ADGRB3: variants seen among roughly 807,000 people sequenced by gnomAD.
The protein encoded by ADGRB3 is adhesion G protein-coupled receptor B3, also known as brain-specific angiogenesis inhibitor 3.
ADGRB3 carries 37 observed loss-of-function variants against 193.4 expected under a neutral mutation model. That is an observed-to-expected ratio of 0.19 (90% CI 0.15 to 0.25). The LOEUF (loss-of-function observed/expected upper bound fraction) is 0.25. ADGRB3 is among the 10% of genes least tolerant of loss of function. The pLI is 1.00. For missense variants in ADGRB3, 1,637 were observed against 1,852.9 expected (o/e 0.88, Z 2.14); for synonymous variants, 690 against 644.2 (o/e 1.07, Z -1.08).
In ADGRB3 at chr6:69,339,499, A is replaced by G. The variant is rs1358352348; in HGVS notation, c.3454A>G (p.Arg1152Gly). The change falls in exon 26 of 32, where the codon AGA becomes GGA. Residue 1152 changes from arginine to glycine, a missense_variant. Arg to Gly is a moderately radical substitution (Grantham distance 125). This residue lies in a region of ADGRB3 where 116 missense variants were observed against 168.1 expected (regional missense o/e 0.69). Transcript: ENST00000370598. ...AGTCATGGTCCACTGCATTCTTCGG[A>G]GAGAGGTGAGAAGCATTCTTGTGAT... Reference protein sequence around the residue: ...VIVMVHCILRREVQDAFRCRL... With the variant: ...VIVMVHCILRGEVQDAFRCRL... 5.6e-6 allele frequency: 9 copies of G among 1,612,736 alleles called. No individual in the cohort carries two copies. The highest frequency in any genetic ancestry group is 7.6e-6 in the Non-Finnish European group (9 of 1,179,076).
chr6:68,748,443 G>A (rs1766127477), intron 3 of ADGRB3, among the ~76,000 whole-genome samples: 1 of 152,164 alleles, frequency 6.6e-6, no homozygotes, highest in Non-Finnish European at 1.5e-5. Context: ...CAGAGTTCAT[G>A]CAAGTCTGAA....
chr6:68,815,633 G>A (rs1562041504), intron 3 of ADGRB3, among the ~76,000 whole-genome samples: 1 of 148,814 alleles, frequency 6.7e-6, no homozygotes, highest in Non-Finnish European at 1.5e-5. Context: ...GTGTGTGTGT[G>A]TGTGTGTGCA....
intron 10 of ADGRB3, among the ~76,000 whole-genome samples, chr6:68,976,282 A>T (rs1768744901): frequency 6.6e-6 from 1 of 152,232 alleles, no homozygotes. Context: ...TTGTTTCATT[A>T]TCAGAAAAAG....
chr6:69,298,793 T>A lies in ADGRB3; in HGVS notation c.2815-26079T>A, dbSNP rs1185176260. Among the ~76,000 whole-genome samples the A allele has an allele frequency of 2.6e-5, 4 of 152,052 alleles. No homozygotes were observed. The South Asian group carries it at 8.3e-4, about 32-fold the overall frequency. ...AAACTATTCATCCATTGATGGATAC[T>A]TAGGTTGATTCCATATTTTGGCTAT... On this transcript the variant is annotated intron_variant, in intron 20 of 31. Transcript: ENST00000370598.
intron 17 of ADGRB3, among the ~76,000 whole-genome samples, chr6:69,114,050 G>A (rs1222361632): frequency 1.3e-5 from 2 of 152,132 alleles, no homozygotes; most frequent in Non-Finnish European, 2.9e-5. Flanking sequence ...TTCTGGGAGG[G>A]CAAAATCGAG....
intron 3 of ADGRB3, among the ~76,000 whole-genome samples, chr6:68,816,003 A>T (rs1220206009): frequency 6.6e-6 from 1 of 152,080 alleles, no homozygotes; most frequent in Non-Finnish European, 1.5e-5. Context: ...TCCCAAAGAA[A>T]TCAAACAAGC....
At chr6:69,339,640 T>C in intron 26 of ADGRB3, 136 bp downstream of exon 26, 1 of 1,096,612 alleles carries the variant, frequency 9.1e-7, no homozygotes. Flanking sequence ...GAATCAAAGC[T>C]GAAGGAATGC....
At position 69,354,290 on chromosome 6, in the gene ADGRB3, T is replaced by C. The variant is rs1769289405; in HGVS notation, c.3517T>C (p.Ser1173Pro). ...RNCQDPINAD[S>P]SSSFPNGHAQ... ...CTGTCAGGATCCCATCAATGCAGAT[T>C]CTTCGAGTTCGTTTCCTAATGGGCA... The change falls in exon 27 of 32, where the codon TCT becomes CCT. Residue 1173 changes from serine to proline, a missense_variant. Ser to Pro is a moderately conservative substitution (Grantham distance 74, BLOSUM62 -1). Around this residue, in one of 7 missense-constraint regions of ADGRB3, gnomAD observed 116 missense variants for 168.1 expected, o/e 0.69. Coordinates refer to ENST00000370598, the MANE Select transcript of ADGRB3 (RefSeq NM_001704.3). The C allele has an allele frequency of 6.2e-7, 1 of 1,613,938 alleles. No homozygotes were observed. Among genetic ancestry groups the C allele is most frequent in the African/African-American group, 1.3e-5 (1 of 74,906 alleles).
intron 20 of ADGRB3, among the ~76,000 whole-genome samples, chr6:69,256,484 T>C (rs1475330959): frequency 6.6e-6 from 1 of 152,158 alleles, no homozygotes; most frequent in Non-Finnish European, 1.5e-5. Flanking sequence ...GGGCGTTCAC[T>C]CATGATTTGG....
chr6:69,253,394 A>AATT (rs2127268081), intron 20 of ADGRB3, among the ~76,000 whole-genome samples: 1 of 152,210 alleles, frequency 6.6e-6, no homozygotes, highest in Non-Finnish European at 1.5e-5. Context: ...TCTTCAGGTT[A>AATT]ATTTAGGTAG....
At chr6:68,772,897 ATATATATATATATATATATATAT>A (rs1766662988) in intron 3 of ADGRB3, among the ~76,000 whole-genome samples, 1 of 12,352 alleles carries the variant, frequency 8.1e-5, no homozygotes, top group Non-Finnish European at 1.3e-4. Flanking sequence ...AAAAAAAAAT[ATATATATATATATATATATATAT>A]ATATATATAT....
chr6:68,686,256 T>A (rs1471389725), intron 3 of ADGRB3, among the ~76,000 whole-genome samples: 3 of 152,198 alleles, frequency 2.0e-5, no homozygotes, highest in Non-Finnish European at 4.4e-5. Context: ...AACCTTTGGC[T>A]AAGTTTCTCA....
chr6:69,308,517 A>G (rs1443380864), intron 20 of ADGRB3, among the ~76,000 whole-genome samples: 3 of 151,758 alleles, frequency 2.0e-5, no homozygotes, highest in Non-Finnish European at 2.9e-5. Context: ...AGCACAGCAT[A>G]TGATAGTTTA....
chr6:68,984,758 C>CA (rs1333835460), intron 10 of ADGRB3, among the ~76,000 whole-genome samples: 13 of 151,990 alleles, frequency 8.6e-5, no homozygotes, highest in Admixed American at 7.2e-4. Context: ...TTAGCCATAG[C>CA]AAAAGTCAAA....
At chr6:68,915,127 T>C (rs1414384780) in intron 3 of ADGRB3, among the ~76,000 whole-genome samples, 1 of 152,192 alleles carries the variant, frequency 6.6e-6, no homozygotes, top group East Asian at 1.9e-4. Context: ...TTATTAACTA[T>C]ATGTCCTTAT....
chr6:68,687,603 T>C (rs2127300569), intron 3 of ADGRB3, among the ~76,000 whole-genome samples: 1 of 152,310 alleles, frequency 6.6e-6, no homozygotes, highest in South Asian at 2.1e-4. Flanking sequence ...TTGCCTTACA[T>C]GAATTAAGCA....
At chr6:68,938,016 G>A (rs534668529) in intron 5 of ADGRB3, among the ~76,000 whole-genome samples, 3 of 152,138 alleles carry the variant, frequency 2.0e-5, no homozygotes, top group African/African-American at 7.2e-5. Context: ...TGAGGTGGGC[G>A]ATCCCTTTAG....
At chr6:69,299,668 C>T (rs892578075) in intron 20 of ADGRB3, among the ~76,000 whole-genome samples, 1 of 151,824 alleles carries the variant, frequency 6.6e-6, no homozygotes, top group Non-Finnish European at 1.5e-5. Context: ...TTCTTGGCAA[C>T]TCCATCAAAA....
chr6:69,361,557 A>T, intron 29 of ADGRB3, 45 bp downstream of exon 29: 1 of 1,532,350 alleles, frequency 6.5e-7, no homozygotes. Context: ...TTGAAATATG[A>T]ATAGATATAA....
Sources: gnomAD v4.1 joint callset for allele counts (sites outside exome capture counted in the v4.1 genomes callset) on GRCh38, gnomAD v4.1.1 for gene constraint, gnomAD v4.1.1 regional missense constraint, MANE v1.5 for transcripts, NCBI Gene and HGNC (gene_info 2026-07-23, HGNC 2026-07-21) for gene names.